TOM1L2: variants seen among roughly 807,000 people sequenced by gnomAD.
The protein encoded by TOM1L2 is TOM1-like protein 2.
TOM1L2 carries 31 observed loss-of-function variants against 67.9 expected under a neutral mutation model. The observed-to-expected ratio is 0.46, with a 90% CI of 0.34 to 0.62. The LOEUF is 0.62. Ranked by LOEUF, TOM1L2 falls within the 20% of genes least tolerant of loss-of-function variation. TOM1L2 has a pLI of 0.01. For synonymous variants in TOM1L2, 256 were observed against 254.0 expected, an observed-to-expected ratio of 1.01 and a Z score of -0.07; for missense variants, 606 against 663.5, an observed-to-expected ratio of 0.91 and a Z score of 0.95.
rs2035624426 is a variant in TOM1L2 at position 17,846,019 on chromosome 17, AG to A, written c.*1615del. 6.6e-6 allele frequency: 1 copy of A among 152,326 alleles called. No individual in the cohort carries two copies. Among genetic ancestry groups the A allele is most frequent in the African/African-American group, 2.4e-5 (1 of 41,464 alleles). The allele number at this position is 152,326 out of a possible 1,614,324, so 9.4% of individuals were successfully genotyped here. ...AGCTGGAGGGCTGCTAGCCTGGCAC[AG>A]GGTCCTGGGTCGGGCAGCACTTGCT... On this transcript the variant is annotated 3_prime_UTR_variant, in exon 15 of 15. Coordinates refer to ENST00000379504, the MANE Select transcript of TOM1L2 (RefSeq NM_001082968.2).
At chr17:17,886,286 T>G (rs961183122) in intron 4 of TOM1L2, among the ~76,000 whole-genome samples, 2 of 152,266 alleles carry the variant, frequency 1.3e-5, no homozygotes, top group African/African-American at 2.4e-5. Context: ...CGGCTTTCCC[T>G]GATGCACTTA....
chr17:17,923,034 T>C (rs771505899), intron 1 of TOM1L2, among the ~76,000 whole-genome samples: 5 of 152,104 alleles, frequency 3.3e-5, no homozygotes, highest in Admixed American at 6.5e-5. Context: ...CAAAGAGTGA[T>C]TACAAAATTC....
rs1188676973 is a variant in TOM1L2 at position 17,972,254 on chromosome 17, G to A, written c.52+8C>T. ...TTGCCCAGCCTCCTGCCCCACACGC[G>A]GCCTTACCGAGGCACTGCCCCACTG... On this transcript the variant is annotated splice_region_variant and intron_variant, in intron 1 of 14. Transcript: ENST00000379504. 1.3e-6 allele frequency: 2 copies of A among 1,549,918 alleles called. No homozygotes were observed. The highest frequency in any genetic ancestry group is 1.7e-6 in the Non-Finnish European group (2 of 1,147,268).
intron 7 of TOM1L2, 76 bp downstream of exon 7, chr17:17,879,551 C>G: frequency 8.3e-7 from 1 of 1,204,132 alleles, no homozygotes; most frequent in South Asian, 1.2e-5. Context: ...CCGCTGTGTC[C>G]CCGGGTGGGA....
chr17:17,897,409 T>C (rs928933708), intron 3 of TOM1L2, among the ~76,000 whole-genome samples: 7 of 152,244 alleles, frequency 4.6e-5, no homozygotes, highest in Non-Finnish European at 1.0e-4. Context: ...AAACAGGTTC[T>C]CTGCTTTAAA....
chr17:17,963,221 C>T (rs2041758716), intron 1 of TOM1L2, among the ~76,000 whole-genome samples: 2 of 152,068 alleles, frequency 1.3e-5, no homozygotes, highest in East Asian at 1.9e-4. Context: ...GCAGTCGCAT[C>T]GAGAAGCAAA....
chr17:17,955,346 T>G lies in TOM1L2; in HGVS notation c.52+16916A>C, dbSNP rs1029519505. The stretch of plus-strand genomic sequence containing the variant: ...ATTCCTTTTTTTTTTTTTTTTTTTT[T>G]TTTTGTTTTTGAGACAAGAGACTTG... On this transcript the variant is annotated intron_variant, in intron 1 of 14. Transcript: ENST00000379504. Among the ~76,000 whole-genome samples, 983 of 146,784 alleles carry G rather than the reference T, an allele frequency of 6.7e-3. 1 individual carries two copies. The highest frequency in any genetic ancestry group is 0.024 in the African/African-American group (921 of 38,844).
chr17:17,904,419 T>C (rs1296722833), intron 2 of TOM1L2, among the ~76,000 whole-genome samples: 1 of 152,122 alleles, frequency 6.6e-6, no homozygotes, highest in Non-Finnish European at 1.5e-5. Flanking sequence ...ATTGCTCAAA[T>C]CTGTAGAGAA....
intron 1 of TOM1L2, among the ~76,000 whole-genome samples, chr17:17,923,388 T>A (rs2039957427): frequency 6.7e-6 from 1 of 148,282 alleles, no homozygotes. Context: ...GCGACAAGAG[T>A]GAAACTCCAT....
intron 11 of TOM1L2, 117 bp downstream of exon 11, chr17:17,862,614 A>T: frequency 1.2e-6 from 1 of 847,356 alleles, no homozygotes; most frequent in Non-Finnish European, 1.9e-6. Context: ...GCCATGCTTT[A>T]AAGTTCCTGG....
At chr17:17,931,754 A>C (rs1405780397) in intron 1 of TOM1L2, among the ~76,000 whole-genome samples, 1 of 152,238 alleles carries the variant, frequency 6.6e-6, no homozygotes, top group Non-Finnish European at 1.5e-5. Context: ...CAAAGCTCCT[A>C]TAACTCCTGG....
intron 12 of TOM1L2, chr17:17,859,946 G>A (rs1040845746): frequency 6.6e-6 from 1 of 152,290 alleles, no homozygotes; most frequent in Non-Finnish European, 1.5e-5. Flanking sequence ...TTTGAAAACA[G>A]GGAGCTAGTC....
chr17:17,927,135 T>C (rs1334866933), intron 1 of TOM1L2, among the ~76,000 whole-genome samples: 1 of 152,218 alleles, frequency 6.6e-6, no homozygotes, highest in Admixed American at 6.5e-5. Context: ...GGATTTTTAC[T>C]GTAGAAAAAT....
At chr17:17,957,944 G>C (rs946357484) in intron 1 of TOM1L2, among the ~76,000 whole-genome samples, 4 of 151,988 alleles carry the variant, frequency 2.6e-5, no homozygotes, top group Non-Finnish European at 5.9e-5. Context: ...CAAAAAATTA[G>C]CCGGGCGTGG....
chr17:17,873,656 A>G (rs543552745), intron 7 of TOM1L2, among the ~76,000 whole-genome samples: 16 of 152,332 alleles, frequency 1.1e-4, no homozygotes, highest in African/African-American at 3.8e-4. Context: ...TCCTCAACAG[A>G]GCCCTAGCCC....
intron 1 of TOM1L2, among the ~76,000 whole-genome samples, chr17:17,949,645 G>A (rs1008898073): frequency 1.3e-5 from 2 of 152,152 alleles, no homozygotes; most frequent in East Asian, 3.9e-4. Context: ...CCACATAAGC[G>A]AGAAGCAGAT....
intron 4 of TOM1L2, among the ~76,000 whole-genome samples, chr17:17,888,369 C>T (rs370606144): frequency 7.2e-4 from 110 of 152,350 alleles, no homozygotes; most frequent in African/African-American, 2.4e-3. Flanking sequence ...AAACCATAAC[C>T]TATTCATTTC....
At chr17:17,922,478 G>A (rs776013093) in intron 1 of TOM1L2, among the ~76,000 whole-genome samples, 3 of 152,212 alleles carry the variant, frequency 2.0e-5, no homozygotes, top group Non-Finnish European at 4.4e-5. Flanking sequence ...GGAGTGGAGA[G>A]ACTGCAGGCA....
intron 4 of TOM1L2, among the ~76,000 whole-genome samples, chr17:17,886,227 C>G (rs192672275): frequency 6.6e-6 from 1 of 152,236 alleles, no homozygotes; most frequent in African/African-American, 2.4e-5. Context: ...TTCCAAAAAG[C>G]CTCCTTAATT....
Sources: gnomAD v4.1 joint callset for allele counts (sites outside exome capture counted in the v4.1 genomes callset) on GRCh38, gnomAD v4.1.1 for gene constraint, MANE v1.5 for transcripts, NCBI Gene and HGNC (gene_info 2026-07-23, HGNC 2026-07-21) for gene names.